Variants in FUT8 observed in about 807,000 individuals in gnomAD.
FUT8 encodes fucosyltransferase 8, also known as alpha-(1,6)-fucosyltransferase.
In FUT8, 29 loss-of-function variants were observed where a neutral mutation model predicts 71.3. The ratio of observed to expected loss-of-function variants is 0.41; its 90% CI spans 0.30 to 0.55. FUT8 has a LOEUF of 0.55. Ranked by LOEUF, FUT8 falls within the 20% of genes least tolerant of loss-of-function variation. The pLI, the probability that FUT8 is intolerant of heterozygous loss-of-function variation, is 0.34. For missense variants in FUT8, 544 were observed against 702.1 expected (o/e 0.77, Z 2.55); for synonymous variants, 254 against 239.3 (o/e 1.06, Z -0.57).
chr14:65,499,933 T>A lies in FUT8; in HGVS notation c.-228+44215T>A, dbSNP rs533227629. Among the ~76,000 whole-genome samples, 446 of 152,238 alleles carry A rather than the reference T, an allele frequency of 2.9e-3. 6 individuals are homozygous for A. The highest frequency in any genetic ancestry group is 0.01 in the Middle Eastern group (3 of 294). On this transcript the variant is annotated intron_variant, in intron 2 of 10. Coordinates refer to ENST00000673929, the MANE Select transcript of FUT8 (RefSeq NM_001371533.1). Reference sequence around the variant, plus strand: ...TCTAATTGACCTTAGGGTAAAAAAATTTTTATATTTAAAAGCTCAGAAAAA... The same window carrying A: ...TCTAATTGACCTTAGGGTAAAAAAAATTTTATATTTAAAAGCTCAGAAAAA...
chr14:65,545,950 T>G (rs1313650126), intron 2 of FUT8, among the ~76,000 whole-genome samples: 1 of 151,886 alleles, frequency 6.6e-6, no homozygotes, highest in Non-Finnish European at 1.5e-5. Context: ...TAGGTGATGA[T>G]TTGCTGAAAA....
intron 10 of FUT8, among the ~76,000 whole-genome samples, chr14:65,738,166 T>C (rs953627350): frequency 1.3e-5 from 2 of 152,160 alleles, no homozygotes; most frequent in African/African-American, 2.4e-5. Flanking sequence ...TTAATCCTTC[T>C]GGTGTTTCTC....
At chr14:65,535,782 T>A (rs1192044630) in intron 2 of FUT8, among the ~76,000 whole-genome samples, 1 of 152,164 alleles carries the variant, frequency 6.6e-6, no homozygotes, top group Non-Finnish European at 1.5e-5. Flanking sequence ...GTTCTATAGA[T>A]GTCCATTTGG....
At chr14:65,709,961 G>A (rs145866648) in intron 7 of FUT8, among the ~76,000 whole-genome samples, 39 of 152,246 alleles carry the variant, frequency 2.6e-4, no homozygotes, top group Non-Finnish European at 5.4e-4. Context: ...GCAATTCATC[G>A]ACATTGGTTA....
In FUT8 at chr14:65,742,573, A is replaced by G. The variant is rs781615987; in HGVS notation, c.*163A>G. ...CAGCTGGGAACTGACATAGGCTTCA[A>G]TTGGTGGAATTCCTCTTTAACAAGG... On this transcript the variant is annotated 3_prime_UTR_variant, in exon 11 of 11. Coordinates refer to ENST00000673929, the MANE Select transcript of FUT8 (RefSeq NM_001371533.1). 8.1e-6 allele frequency: 5 copies of G among 616,336 alleles called. No homozygotes were observed. Among genetic ancestry groups the G allele is most frequent in the East Asian group, 5.5e-5 (2 of 36,252 alleles). 38.2% of individuals were successfully genotyped at this position (616,336 alleles called of 1,614,324 possible).
chr14:65,709,122 A>T (rs1339663376), intron 7 of FUT8, among the ~76,000 whole-genome samples: 1 of 152,240 alleles, frequency 6.6e-6, no homozygotes, highest in Non-Finnish European at 1.5e-5. Context: ...ATAAAAATAC[A>T]TATACAATTA....
chr14:65,594,871 T>A (rs1481966096), intron 3 of FUT8, among the ~76,000 whole-genome samples: 2 of 152,030 alleles, frequency 1.3e-5, no homozygotes, highest in Non-Finnish European at 2.9e-5. Flanking sequence ...GGGGTCTTTA[T>A]AGGCACAGAA....
At position 65,669,390 on chromosome 14, in the gene FUT8, C is replaced by T; in HGVS notation, c.745C>T (p.Arg249Cys). 1.9e-6 allele frequency: 3 copies of T among 1,613,672 alleles called. No individual in the cohort carries two copies. The highest frequency in any genetic ancestry group is 2.5e-6 in the Non-Finnish European group (3 of 1,179,778). Reference sequence around the variant, plus strand: ...ACTCATCTTGGAATCTCAGAATTGGCGCTATGCTACTGGTGGATGGGAGAC... The same window carrying T: ...ACTCATCTTGGAATCTCAGAATTGGTGCTATGCTACTGGTGGATGGGAGAC... ...RTLILESQNW[R>C]YATGGWETVF... The change falls in exon 7 of 11, where the codon CGC becomes TGC. Residue 249 changes from arginine to cysteine, a missense_variant. Arg to Cys is a radical substitution (Grantham distance 180). Coordinates refer to ENST00000673929, the MANE Select transcript of FUT8 (RefSeq NM_001371533.1). The surrounding 1 kb of genome is among the most constrained non-coding windows in gnomAD (Gnocchi z 4.5).
upstream of FUT8, among the ~76,000 whole-genome samples, chr14:65,408,413 G>A (rs544040292): frequency 6.6e-6 from 1 of 152,124 alleles, no homozygotes; most frequent in South Asian, 2.1e-4. Context: ...GGTATCTGGG[G>A]GTGGGTGTGG....
Position 65,550,403 on chromosome 14 carries a change from A to G in FUT8, c.-227-10934A>G, listed in dbSNP as rs1384953087. ...AACACTTATATTAGCCTACAGTTGG[A>G]CAAAATCATTTAACACAAAACTATT... On this transcript the variant is annotated intron_variant, in intron 2 of 10. Coordinates refer to ENST00000673929, the MANE Select transcript of FUT8 (RefSeq NM_001371533.1). This position sits in a 1 kb window ranked among gnomAD's most constrained non-coding sequence, Gnocchi z 4.5. Among the ~76,000 whole-genome samples the G allele has an allele frequency of 6.6e-6, 1 of 152,214 alleles. No individual in the cohort carries two copies. The highest frequency in any genetic ancestry group is 1.5e-5 in the Non-Finnish European group (1 of 68,030).
intron 6 of FUT8, among the ~76,000 whole-genome samples, chr14:65,653,712 C>T (rs765702890): frequency 2.0e-5 from 3 of 152,134 alleles, no homozygotes; most frequent in Non-Finnish European, 4.4e-5. Context: ...AAAACTGTAT[C>T]GTTTGTTTTG....
At chr14:65,439,954 G>GTGTACGTATATATA in intron 1 of FUT8, among the ~76,000 whole-genome samples, 2,835 of 74,910 alleles carry the variant, frequency 0.038, 418 homozygotes, top group Middle Eastern at 0.059. Context: ...GTGTGTGTGT[G>GTGTACGTATATATA]TATATATATA....
chr14:65,562,865 T>A (rs560552151), intron 3 of FUT8, among the ~76,000 whole-genome samples: 8 of 152,090 alleles, frequency 5.3e-5, no homozygotes, highest in Non-Finnish European at 1.2e-4. Context: ...AAGAATGTAG[T>A]TGGCAGTGTT....
At chr14:65,670,993 T>A in intron 7 of FUT8, among the ~76,000 whole-genome samples, 1 of 152,198 alleles carries the variant, frequency 6.6e-6, no homozygotes, top group Non-Finnish European at 1.5e-5. Context: ...TGATCTGGTC[T>A]GTACTTTTCA....
chr14:65,657,352 G>A (rs949070827), intron 6 of FUT8, among the ~76,000 whole-genome samples: 3 of 152,108 alleles, frequency 2.0e-5, no homozygotes, highest in African/African-American at 7.2e-5. Context: ...TCAGTATATT[G>A]AAGAAATATT....
Position 65,633,893 on chromosome 14 carries a change from G to A in FUT8, c.597+4287G>A, listed in dbSNP as rs1890375820. Among the ~76,000 whole-genome samples, 7 of 152,038 alleles carry A rather than the reference G, an allele frequency of 4.6e-5. No homozygotes were observed. The South Asian group carries it at 1.5e-3, about 32-fold the overall frequency. On this transcript the variant is annotated intron_variant, in intron 6 of 10. Transcript: ENST00000673929. ...GGCCAGCTGCCCTGTCCAGGAGGGA[G>A]GTGGGGGTCAGCCCCCGCCCGGCCA...
intron 3 of FUT8, among the ~76,000 whole-genome samples, chr14:65,579,369 T>A (rs1328969346): frequency 6.6e-6 from 1 of 152,178 alleles, no homozygotes; most frequent in African/African-American, 2.4e-5. Context: ...TTTTGTGTGA[T>A]CAGAGATCCC....
chr14:65,612,503 A>ATG (rs1316378435), intron 3 of FUT8, among the ~76,000 whole-genome samples: 2 of 152,124 alleles, frequency 1.3e-5, no homozygotes, highest in Admixed American at 1.3e-4. Flanking sequence ...GTAGTTCCTT[A>ATG]TGTGTGTGTG....
chr14:65,411,584 C>T (rs1595334849), upstream of FUT8: 1 of 179,130 alleles, frequency 5.6e-6, no homozygotes, highest in Admixed American at 5.4e-5. Flanking sequence ...TTTCTGTGAT[C>T]TTTTAATATT....
Sources: allele counts gnomAD v4.1 joint callset (sites outside exome capture counted in the v4.1 genomes callset), GRCh38; gene constraint gnomAD v4.1.1; non-coding constraint Gnocchi (gnomAD v3.1); transcripts MANE v1.5; gene names NCBI Gene and HGNC (gene_info 2026-07-23, HGNC 2026-07-21).